The following JAKMIP1 variants were observed in gnomAD, a reference collection of about 807,000 sequenced individuals.
The protein encoded by JAKMIP1 is janus kinase and microtubule-interacting protein 1.
Under a neutral mutation model 113.0 loss-of-function variants are expected in JAKMIP1, and 33 were observed. That is an observed-to-expected ratio of 0.29 (90% CI 0.22 to 0.39). The LOEUF is 0.39. Among genes scored for constraint, JAKMIP1 ranks in the 10% least tolerant of loss-of-function variants. The pLI is 1.00. For synonymous variants in JAKMIP1, 480 were observed against 459.9 expected, an observed-to-expected ratio of 1.04 and a Z score of -0.56; for missense variants, 813 against 1,080.5, an observed-to-expected ratio of 0.75 and a Z score of 3.47.
intron 3 of JAKMIP1, among the ~76,000 whole-genome samples, chr4:6,098,655 A>AAAGG (rs10670656): frequency 0.033 from 4,524 of 137,326 alleles, 118 homozygotes; most frequent in South Asian, 0.047. Context: ...AAAGGAAAGG[A>AAAGG]AAGGAAGAAA....
intron 8 of JAKMIP1, among the ~76,000 whole-genome samples, chr4:6,068,519 C>A (rs1344526000): frequency 6.6e-6 from 1 of 151,792 alleles, no homozygotes; most frequent in South Asian, 2.1e-4. Flanking sequence ...GACCCAACCC[C>A]TCAGGTTTTT....
At chr4:6,126,832 A>T (rs1231223645) in intron 1 of JAKMIP1, among the ~76,000 whole-genome samples, 5 of 151,818 alleles carry the variant, frequency 3.3e-5, no homozygotes, top group Non-Finnish European at 5.9e-5. Context: ...CAACCCATGC[A>T]CCACACACAG....
At chr4:6,058,725 T>C (rs973065310) in intron 11 of JAKMIP1, among the ~76,000 whole-genome samples, 1 of 152,240 alleles carries the variant, frequency 6.6e-6, no homozygotes, top group Non-Finnish European at 1.5e-5. Flanking sequence ...GGCAGCACCC[T>C]TTCTGCAGAA....
At position 6,184,231 on chromosome 4, in the gene JAKMIP1, A is replaced by T. The variant is rs1726380620; in HGVS notation, c.-148+16022T>A. On this transcript the variant is annotated intron_variant, in intron 1 of 20. Coordinates refer to ENST00000409021, the MANE Select transcript of JAKMIP1 (RefSeq NM_001099433.2). The surrounding 1 kb of genome is among the most constrained non-coding windows in gnomAD (Gnocchi z 4.5). Reference sequence around the variant, plus strand: ...TGTATCACACTGTCCTGTGAGTATCATCCCTTCTCAATAGGCAGAAACCAG... The same window carrying T: ...TGTATCACACTGTCCTGTGAGTATCTTCCCTTCTCAATAGGCAGAAACCAG... 6.6e-6 allele frequency among the ~76,000 whole-genome samples: 1 copy of T among 152,212 alleles called. No homozygotes were observed. The highest frequency in any genetic ancestry group is 1.5e-5 in the Non-Finnish European group (1 of 68,042).
In JAKMIP1 at chr4:6,031,506, T is replaced by G. The variant is rs1338275229; in HGVS notation, c.2380-1725A>C. ...AACCCAGCAGGGTTAGTTCACCAGATGCACAAGAGGGGAAAGGAATTCCAG... is the reference window on the plus strand; with the variant it reads ...AACCCAGCAGGGTTAGTTCACCAGAGGCACAAGAGGGGAAAGGAATTCCAG... On this transcript the variant is annotated intron_variant, in intron 19 of 20. Transcript: ENST00000409021. This position sits in a 1 kb window ranked among gnomAD's most constrained non-coding sequence, Gnocchi z 4.4. 6.6e-6 allele frequency among the ~76,000 whole-genome samples: 1 copy of G among 151,990 alleles called. No homozygotes were observed. Among genetic ancestry groups the G allele is most frequent in the Admixed American group, 6.5e-5 (1 of 15,272 alleles).
Position 6,143,321 on chromosome 4 carries a change from T to C in JAKMIP1, c.-147-30324A>G, listed in dbSNP as rs73198082. ...GGCTTCCTGACTTCCTGTCTGAATC[T>C]CAGCCAATTCTGGGATCTGGGTGTG... On this transcript the variant is annotated intron_variant, in intron 1 of 20. Transcript: ENST00000409021. The surrounding 1 kb of genome is among the most constrained non-coding windows in gnomAD (Gnocchi z 4.9). 0.18 allele frequency among the ~76,000 whole-genome samples: 27,848 copies of C among 152,228 alleles called. 3,130 individuals are homozygous for C. The highest frequency in any genetic ancestry group is 0.25 in the Non-Finnish European group (16,805 of 67,998).
At chr4:6,132,985 T>G (rs1219100834) in intron 1 of JAKMIP1, among the ~76,000 whole-genome samples, 1 of 152,162 alleles carries the variant, frequency 6.6e-6, no homozygotes, top group Non-Finnish European at 1.5e-5. Context: ...CTCTTGGTGT[T>G]GACACAATCT....
chr4:6,193,999 T>C lies in JAKMIP1; in HGVS notation c.-148+6254A>G, dbSNP rs1727570082. Among the ~76,000 whole-genome samples the C allele has an allele frequency of 6.6e-6, 1 of 152,166 alleles. No homozygotes were observed. On this transcript the variant is annotated intron_variant, in intron 1 of 20. Transcript: ENST00000409021. This position sits in a 1 kb window ranked among gnomAD's most constrained non-coding sequence, Gnocchi z 6.4. ...AGCAATGACACTTGATGACACTTGC[T>C]ATAACATGGGTGAACCCTGAAAATA...
At chr4:6,074,116 T>C (rs1255543135) in intron 8 of JAKMIP1, among the ~76,000 whole-genome samples, 1 of 152,262 alleles carries the variant, frequency 6.6e-6, no homozygotes, top group Non-Finnish European at 1.5e-5. Flanking sequence ...AGCACCAATC[T>C]TGTCCCTGGA....
At chr4:6,085,353 A>C in intron 4 of JAKMIP1, 67 bp downstream of exon 4, 2 of 1,435,422 alleles carry the variant, frequency 1.4e-6, no homozygotes, top group Non-Finnish European at 1.9e-6. Flanking sequence ...TCTGTGGCTG[A>C]CCAGAAAAAT....
At chr4:6,079,253 A>C (rs1720148585) in intron 7 of JAKMIP1, among the ~76,000 whole-genome samples, 2 of 152,212 alleles carry the variant, frequency 1.3e-5, no homozygotes, top group South Asian at 2.1e-4. Flanking sequence ...TGTGTAATGA[A>C]GCAAAGATGG....
At chr4:6,054,334 C>A (rs184434529) in intron 12 of JAKMIP1, among the ~76,000 whole-genome samples, 186 bp from the exon 13 acceptor site, 1 of 152,152 alleles carries the variant, frequency 6.6e-6, no homozygotes, top group Non-Finnish European at 1.5e-5. Context: ...TTTGCTGATG[C>A]GGCTGGAAAT....
intron 1 of JAKMIP1, among the ~76,000 whole-genome samples, chr4:6,126,639 C>T (rs1402113664): frequency 6.7e-6 from 1 of 148,318 alleles, no homozygotes; most frequent in African/African-American, 2.5e-5. Context: ...CAAACACACA[C>T]CATGCAGAAA....
intron 1 of JAKMIP1, among the ~76,000 whole-genome samples, chr4:6,161,176 A>C (rs1578422106): frequency 4.6e-5 from 4 of 86,268 alleles, no homozygotes; most frequent in African/African-American, 9.6e-5. Flanking sequence ...CCTGATCTCC[A>C]CTCACCTCCC....
chr4:6,166,219 A>C (rs1361059998), intron 1 of JAKMIP1, among the ~76,000 whole-genome samples: 1 of 152,228 alleles, frequency 6.6e-6, no homozygotes. Context: ...CAGATACGAC[A>C]TGTAAAAGCC....
At chr4:6,109,414 T>C (rs1164896318) in intron 2 of JAKMIP1, among the ~76,000 whole-genome samples, 1 of 151,858 alleles carries the variant, frequency 6.6e-6, no homozygotes, top group African/African-American at 2.4e-5. Flanking sequence ...ATTACAGGCA[T>C]GAGCCACTGC....
chr4:6,137,360 C>T lies in JAKMIP1; in HGVS notation c.-147-24363G>A, dbSNP rs545370448. ...TCCTAACAGACGGATCAGCTTTAGA[C>T]GGCACTGTTCCCGTACCTTCGCTGG... On this transcript the variant is annotated intron_variant, in intron 1 of 20. Coordinates refer to ENST00000409021, the MANE Select transcript of JAKMIP1 (RefSeq NM_001099433.2). The surrounding 1 kb of genome is among the most constrained non-coding windows in gnomAD (Gnocchi z 4.5). 3.9e-5 allele frequency among the ~76,000 whole-genome samples: 6 copies of T among 152,340 alleles called. No individual in the cohort carries two copies. The highest frequency in any genetic ancestry group is 4.1e-4 in the South Asian group (2 of 4,828).
At chr4:6,032,233 C>T (rs1289836767) in intron 19 of JAKMIP1, among the ~76,000 whole-genome samples, 1 of 152,224 alleles carries the variant, frequency 6.6e-6, no homozygotes, top group African/African-American at 2.4e-5. Flanking sequence ...GGCTTTACAG[C>T]TTCCAAAGAA....
intron 16 of JAKMIP1, among the ~76,000 whole-genome samples, chr4:6,046,599 G>GGGTGCAAGCGGGGA (rs1209183841): frequency 6.6e-6 from 1 of 152,098 alleles, no homozygotes; most frequent in African/African-American, 2.4e-5. Flanking sequence ...GGGGTGGGCA[G>GGGTGCAAGCGGGGA]GGTGCAAGCG....
Sources: allele counts gnomAD v4.1 joint callset (sites outside exome capture counted in the v4.1 genomes callset), GRCh38; gene constraint gnomAD v4.1.1; non-coding constraint Gnocchi (gnomAD v3.1); transcripts MANE v1.5; gene names NCBI Gene and HGNC (gene_info 2026-07-23, HGNC 2026-07-21).